CERS6: variants seen among roughly 807,000 people sequenced by gnomAD.
The protein encoded by CERS6 is LAG1 homolog, ceramide synthase 6.
A neutral mutation model predicts 56.8 loss-of-function variants in CERS6; 26 were observed. That is an observed-to-expected ratio of 0.46 (90% confidence interval 0.34 to 0.63). The LOEUF (loss-of-function observed/expected upper bound fraction) is 0.63, where lower values mean the gene tolerates loss of function less well. CERS6 is among the 30% of genes least tolerant of loss of function. The probability of loss-of-function intolerance (pLI) is 0.01; values close to 1 mark genes in which losing one functional copy is unlikely to be tolerated. For missense variants in CERS6, 415 were observed against 467.5 expected, an observed-to-expected ratio of 0.89 and a Z score of 1.04; for synonymous variants, 164 against 173.3, an observed-to-expected ratio of 0.95 and a Z score of 0.42.
Position 168,723,311 on chromosome 2 carries a change from C to T in CERS6, c.845+5333C>T, listed in dbSNP as rs555982170. Among the ~76,000 whole-genome samples the T allele has an allele frequency of 8.6e-4, 131 of 152,314 alleles. 1 individual carries two copies. The highest frequency in any genetic ancestry group is 3.0e-3 in the African/African-American group (124 of 41,566). ...CATTATTAGAGAGTTCTGCCCCAGG[C>T]TGTCATAGTTTACCTCCCAATACTT... On this transcript the variant is annotated intron_variant, in intron 8 of 9. Transcript: ENST00000305747.
intron 6 of CERS6, 135 bp downstream of exon 6, chr2:168,695,186 A>C: frequency 1.6e-6 from 1 of 642,230 alleles, no homozygotes; most frequent in South Asian, 1.9e-5. Context: ...CTGCGTTATT[A>C]CAGAAAGTTC....
chr2:168,520,619 T>G (rs1318699691), intron 1 of CERS6, among the ~76,000 whole-genome samples: 3 of 134,246 alleles, frequency 2.2e-5, no homozygotes, highest in Admixed American at 7.7e-5. Context: ...TTTTTTTTTT[T>G]TTTTTTTTGA....
chr2:168,504,762 G>A (rs1694646277), intron 1 of CERS6, among the ~76,000 whole-genome samples: 1 of 152,132 alleles, frequency 6.6e-6, no homozygotes, highest in African/African-American at 2.4e-5. Flanking sequence ...GCAGGGGCTA[G>A]TGCAAGGGAC....
chr2:168,741,936 A>G (rs1240173772), intron 8 of CERS6, among the ~76,000 whole-genome samples: 1 of 152,210 alleles, frequency 6.6e-6, no homozygotes, highest in Non-Finnish European at 1.5e-5. Flanking sequence ...ATTTCAAAAA[A>G]TGAGCATGTC....
chr2:168,548,415 A>G (rs1390963818), intron 2 of CERS6, among the ~76,000 whole-genome samples: 2 of 152,230 alleles, frequency 1.3e-5, no homozygotes, highest in African/African-American at 4.8e-5. Context: ...AGAAAGCTGG[A>G]AGTCAGAAAC....
At chr2:168,517,712 T>G (rs1341462138) in intron 1 of CERS6, among the ~76,000 whole-genome samples, 1 of 152,060 alleles carries the variant, frequency 6.6e-6, no homozygotes, top group East Asian at 1.9e-4. Context: ...CTTTTTTAAC[T>G]TAAAAATCCT....
At chr2:168,545,476 ATGT>A (rs1214655464) in intron 1 of CERS6, among the ~76,000 whole-genome samples, 1 of 152,112 alleles carries the variant, frequency 6.6e-6, no homozygotes, top group Non-Finnish European at 1.5e-5. Context: ...TGTATACATT[ATGT>A]TGTATAACAA....
intron 1 of CERS6, among the ~76,000 whole-genome samples, chr2:168,525,654 T>C (rs1237491089): frequency 1.3e-5 from 2 of 152,216 alleles, no homozygotes; most frequent in Admixed American, 6.5e-5. Flanking sequence ...CCCGAGCCCC[T>C]GTGAAATGAT....
At chr2:168,691,006 G>A (rs1559053826) in intron 4 of CERS6, 28 bp from the exon 5 acceptor site, 1 of 1,598,172 alleles carries the variant, frequency 6.3e-7, no homozygotes, top group African/African-American at 1.3e-5. Flanking sequence ...TCTAAAATAT[G>A]TAAAATATTT....
At chr2:168,605,116 A>T (rs1320424100) in intron 3 of CERS6, among the ~76,000 whole-genome samples, 1 of 152,206 alleles carries the variant, frequency 6.6e-6, no homozygotes, top group Non-Finnish European at 1.5e-5. Context: ...CCAAATGCTG[A>T]TAGTGATATG....
At chr2:168,578,556 G>T (rs886969002) in intron 3 of CERS6, among the ~76,000 whole-genome samples, 3 of 151,976 alleles carry the variant, frequency 2.0e-5, no homozygotes, top group Non-Finnish European at 2.9e-5. Flanking sequence ...TTAATTTCAG[G>T]AAGCACATCC....
intron 3 of CERS6, among the ~76,000 whole-genome samples, chr2:168,573,882 G>A (rs10460352): frequency 0.019 from 2,859 of 152,220 alleles, 127 homozygotes; most frequent in East Asian, 0.18. Flanking sequence ...GAAACTGAGT[G>A]AGAAATTCTC....
At chr2:168,690,497 A>G (rs956735979) in intron 4 of CERS6, among the ~76,000 whole-genome samples, 1 of 152,190 alleles carries the variant, frequency 6.6e-6, no homozygotes, top group Non-Finnish European at 1.5e-5. Context: ...AAAGACCTGG[A>G]TCACAGGTCA....
At chr2:168,632,048 A>G (rs990007859) in intron 4 of CERS6, among the ~76,000 whole-genome samples, 1 of 151,400 alleles carries the variant, frequency 6.6e-6, no homozygotes, top group African/African-American at 2.4e-5. Flanking sequence ...ACCGAAATCT[A>G]TGAAAGTAAT....
intron 3 of CERS6, among the ~76,000 whole-genome samples, chr2:168,608,842 C>T (rs1684116307): frequency 6.6e-6 from 1 of 152,118 alleles, no homozygotes; most frequent in Non-Finnish European, 1.5e-5. Flanking sequence ...AAGGGCAATG[C>T]ATTTTGAAAC....
chr2:168,593,733 T>C (rs1683730920), intron 3 of CERS6, among the ~76,000 whole-genome samples: 1 of 152,224 alleles, frequency 6.6e-6, no homozygotes, highest in Non-Finnish European at 1.5e-5. Flanking sequence ...TCTTAACTTT[T>C]TCAAAGGTTC....
intron 8 of CERS6, among the ~76,000 whole-genome samples, chr2:168,718,775 T>C (rs1039031395): frequency 6.6e-6 from 1 of 152,216 alleles, no homozygotes; most frequent in African/African-American, 2.4e-5. Flanking sequence ...GCCTTCTAAC[T>C]GTTAGATCGT....
At chr2:168,670,625 C>T (rs1019472407) in intron 4 of CERS6, among the ~76,000 whole-genome samples, 1 of 152,142 alleles carries the variant, frequency 6.6e-6, no homozygotes, top group South Asian at 2.1e-4. Context: ...ATAGTCAAAA[C>T]AGAAAAGTGA....
At chr2:168,507,508 C>G (rs1694699850) in intron 1 of CERS6, among the ~76,000 whole-genome samples, 4 of 152,078 alleles carry the variant, frequency 2.6e-5, no homozygotes, top group African/African-American at 9.7e-5. Context: ...ATGCTGTGTT[C>G]CTCTAAGAGC....
Sources: gnomAD v4.1 joint callset for allele counts (sites outside exome capture counted in the v4.1 genomes callset) on GRCh38, gnomAD v4.1.1 for gene constraint, MANE v1.5 for transcripts, NCBI Gene and HGNC (gene_info 2026-07-23, HGNC 2026-07-21) for gene names.